Variants in TENM4 observed in about 807,000 individuals in gnomAD.
TENM4 encodes teneurin-4.
TENM4 carries 82 observed loss-of-function variants against 243.3 expected under a neutral mutation model. The observed-to-expected ratio is 0.34, with a 90% CI of 0.28 to 0.40. The LOEUF (loss-of-function observed/expected upper bound fraction) is 0.40. Ranked by LOEUF, TENM4 falls within the 10% of genes least tolerant of loss-of-function variation. The pLI is 1.00. For missense variants in TENM4, 3,138 were observed against 3,673.3 expected, an observed-to-expected ratio of 0.85 and a Z score of 3.77; for synonymous variants, 1,412 against 1,456.3, an observed-to-expected ratio of 0.97 and a Z score of 0.69.
intron 18 of TENM4, among the ~76,000 whole-genome samples, chr11:78,767,302 A>G (rs139234838): frequency 2.0e-5 from 3 of 152,382 alleles, no homozygotes; most frequent in African/African-American, 4.8e-5. Context: ...ATAAGGCCAC[A>G]TTCCTCACAG....
In TENM4 at chr11:78,661,603, G is replaced by A. The variant is rs967399030; in HGVS notation, c.7409-12C>T. 1.2e-6 allele frequency: 2 copies of A among 1,612,140 alleles called. No homozygotes were observed. Among genetic ancestry groups the A allele is most frequent in the Non-Finnish European group, 1.7e-6 (2 of 1,179,270 alleles). On this transcript the variant is annotated splice_polypyrimidine_tract_variant and intron_variant, in intron 32 of 33. Transcript: ENST00000278550. ...CCAGCTGTTAACATCTGGATGGGAG[G>A]GAAGCAGAAACATCTCCATGGAGTG...
At chr11:78,869,508 A>G (rs1286706285) in intron 9 of TENM4, among the ~76,000 whole-genome samples, 1 of 152,178 alleles carries the variant, frequency 6.6e-6, no homozygotes, top group Non-Finnish European at 1.5e-5. Context: ...GAAGAGAAAG[A>G]TGATACAGCA....
intron 18 of TENM4, among the ~76,000 whole-genome samples, chr11:78,765,441 C>T (rs182786648): frequency 6.6e-6 from 1 of 152,182 alleles, no homozygotes; most frequent in South Asian, 2.1e-4. Flanking sequence ...AAGACAGAGA[C>T]CTTTGTTCTC....
intron 3 of TENM4, among the ~76,000 whole-genome samples, chr11:79,164,109 C>T (rs1322202173): frequency 6.9e-5 from 3 of 43,310 alleles, no homozygotes; most frequent in Admixed American, 2.3e-4. Flanking sequence ...AGTATATATA[C>T]ACTATATATA....
intron 1 of TENM4, among the ~76,000 whole-genome samples, chr11:79,351,046 T>C (rs1340430808): frequency 6.6e-6 from 1 of 152,146 alleles, no homozygotes; most frequent in African/African-American, 2.4e-5. Context: ...GCTTTCTTCC[T>C]GTGCACCAGT....
At chr11:79,388,123 T>C (rs1026624145) in intron 1 of TENM4, among the ~76,000 whole-genome samples, 22 of 152,168 alleles carry the variant, frequency 1.4e-4, no homozygotes, top group African/African-American at 5.3e-4. Flanking sequence ...AAGGAGACAG[T>C]TGCCACCTTC....
In TENM4 at chr11:78,903,512, C is replaced by A; in HGVS notation, c.505G>T (p.Gly169Cys). The A allele has an allele frequency of 6.5e-7, 1 of 1,546,762 alleles. No homozygotes were observed. Among genetic ancestry groups the A allele is most frequent in the Non-Finnish European group, 8.7e-7 (1 of 1,146,604 alleles). The change falls in exon 7 of 34, where the codon GGC becomes TGC. Residue 169 changes from glycine (G) to cysteine (C), a missense_variant. Physicochemically the swap from Gly to Cys is radical, Grantham distance 159 (BLOSUM62 -3). Coordinates refer to ENST00000278550, the MANE Select transcript of TENM4 (RefSeq NM_001098816.3). Reference sequence around the variant, plus strand: ...CGGAGCCGCGCGTGGTTCTGCAGGCCGCCCGGATGATCTAGGGCACAAACA... The same window carrying A: ...CGGAGCCGCGCGTGGTTCTGCAGGCAGCCCGGATGATCTAGGGCACAAACA... ...HENTETDHPGGLQNHARLRTP... is the reference protein window; with the variant it reads ...HENTETDHPGCLQNHARLRTP...
At chr11:79,330,782 G>A (rs1209188849) in intron 1 of TENM4, among the ~76,000 whole-genome samples, 1 of 152,212 alleles carries the variant, frequency 6.6e-6, no homozygotes, top group East Asian at 1.9e-4. Flanking sequence ...AACCCATCCA[G>A]CTAATGTGCA....
At chr11:78,891,380 T>C (rs1351468761) in intron 7 of TENM4, 44 bp from the exon 8 acceptor site, 1 of 1,499,386 alleles carries the variant, frequency 6.7e-7, no homozygotes, top group Admixed American at 2.0e-5. Context: ...AGTCATGCAT[T>C]GATGAAGGGG....
chr11:78,704,363 T>C (rs899222231), intron 27 of TENM4, among the ~76,000 whole-genome samples: 5 of 151,842 alleles, frequency 3.3e-5, no homozygotes, highest in African/African-American at 9.7e-5. Context: ...GAATTTACTT[T>C]TGTATACCAT....
chr11:79,165,996 A>G (rs1862905308), intron 3 of TENM4, among the ~76,000 whole-genome samples: 1 of 152,150 alleles, frequency 6.6e-6, no homozygotes, highest in Non-Finnish European at 1.5e-5. Context: ...CCATTGGTCT[A>G]TATGAGGCCT....
intron 10 of TENM4, among the ~76,000 whole-genome samples, chr11:78,859,894 A>G (rs1220750363): frequency 1.3e-5 from 2 of 152,174 alleles, no homozygotes; most frequent in Non-Finnish European, 2.9e-5. Context: ...TGTTTATTCA[A>G]TGTTTTTTTC....
chr11:79,312,626 C>A lies in TENM4; in HGVS notation c.-320-15083G>T, dbSNP rs546274990. 1.7e-4 allele frequency among the ~76,000 whole-genome samples: 26 copies of A among 152,238 alleles called. 1 individual carries two copies. In the South Asian group the frequency reaches 5.4e-3, roughly 32 times the overall value. On this transcript the variant is annotated intron_variant, in intron 1 of 33. Transcript: ENST00000278550. ...AGCAACTGTGTTCTTAACCACTGAG[C>A]AATAAATACCACCTCTGAATTTATT...
intron 2 of TENM4, among the ~76,000 whole-genome samples, chr11:79,233,198 A>G (rs988168744): frequency 3.9e-5 from 6 of 152,074 alleles, no homozygotes; most frequent in Non-Finnish European, 7.4e-5. Context: ...ATCTCTCTCC[A>G]CCACTACAGA....
chr11:78,983,163 C>CA (rs1314109719), intron 6 of TENM4, among the ~76,000 whole-genome samples: 1 of 152,206 alleles, frequency 6.6e-6, no homozygotes, highest in African/African-American at 2.4e-5. Flanking sequence ...AAAATGTTCT[C>CA]AAAATCTCAC....
At chr11:79,196,991 A>T (rs1863641774) in intron 3 of TENM4, among the ~76,000 whole-genome samples, 1 of 152,188 alleles carries the variant, frequency 6.6e-6, no homozygotes, top group South Asian at 2.1e-4. Context: ...CAGGGTTAAG[A>T]GGTTTTCAGC....
At chr11:78,965,615 C>T (rs1429240994) in intron 6 of TENM4, among the ~76,000 whole-genome samples, 1 of 152,160 alleles carries the variant, frequency 6.6e-6, no homozygotes, top group Non-Finnish European at 1.5e-5. Flanking sequence ...TAAATTGTTC[C>T]GTCATAAACT....
chr11:79,069,984 C>T lies in TENM4; in HGVS notation c.-40G>A. ...GCTCCTCCACATCCACAAACAGGGTCCTCGCCGCACTCAGGGCCGAGTGGT... is the reference window on the plus strand; with the variant it reads ...GCTCCTCCACATCCACAAACAGGGTTCTCGCCGCACTCAGGGCCGAGTGGT... On this transcript the variant is annotated 5_prime_UTR_variant, in exon 5 of 34. Coordinates refer to ENST00000278550, the MANE Select transcript of TENM4 (RefSeq NM_001098816.3). The T allele has an allele frequency of 1.3e-6, 2 of 1,535,330 alleles. No individual in the cohort carries two copies. The highest frequency in any genetic ancestry group is 1.2e-5 in the South Asian group (1 of 83,026).
chr11:78,778,890 A>G (rs1856789916), intron 16 of TENM4, among the ~76,000 whole-genome samples: 1 of 152,218 alleles, frequency 6.6e-6, no homozygotes, highest in Non-Finnish European at 1.5e-5. Context: ...CACAGAAACA[A>G]GAAGACATAT....
Sources: allele counts gnomAD v4.1 joint callset (sites outside exome capture counted in the v4.1 genomes callset), GRCh38; gene constraint gnomAD v4.1.1; transcripts MANE v1.5; gene names NCBI Gene and HGNC (gene_info 2026-07-23, HGNC 2026-07-21).